RANBP2: variants seen among roughly 807,000 people sequenced by gnomAD.
RANBP2 encodes RAN binding protein 2, also known as E3 SUMO-protein ligase RanBP2.
A neutral mutation model predicts 303.6 loss-of-function variants in RANBP2; 57 were observed. The ratio of observed to expected loss-of-function variants is 0.19; its 90% CI spans 0.15 to 0.23. The LOEUF (loss-of-function observed/expected upper bound fraction) is 0.23, where lower values mean the gene tolerates loss of function less well. RANBP2 is among the 10% of genes least tolerant of loss of function. The pLI is 1.00. For synonymous variants in RANBP2, 1,167 were observed against 1,301.5 expected, an observed-to-expected ratio of 0.90 and a Z score of 2.23; for missense variants, 3,138 against 3,780.8, an observed-to-expected ratio of 0.83 and a Z score of 4.46.
At chr2:109,011,584 G>C in the RANBP2 span, among the ~76,000 whole-genome samples, 1 of 152,082 alleles carries the variant, frequency 6.6e-6, no homozygotes, top group South Asian at 2.1e-4. Flanking sequence ...TTTTATTGAC[G>C]AGATACCCAC....
chr2:109,619,623 C>T, the RANBP2 span, among the ~76,000 whole-genome samples: 2 of 152,040 alleles, frequency 1.3e-5, no homozygotes, highest in African/African-American at 2.4e-5. Context: ...TTTATGATAA[C>T]CCATAAAATA....
At chr2:108,873,587 C>G in the RANBP2 span, 2 of 1,574,438 alleles carry the variant, frequency 1.3e-6, no homozygotes, top group East Asian at 4.5e-5. Flanking sequence ...TTTCCAAAAT[C>G]AAGTAAGAAT....
chr2:108,856,048 G>C, the RANBP2 span, among the ~76,000 whole-genome samples: 2 of 152,172 alleles, frequency 1.3e-5, no homozygotes, highest in Non-Finnish European at 2.9e-5. Context: ...GTAGGGACTT[G>C]GGTTGTGTAG....
the RANBP2 span, among the ~76,000 whole-genome samples, chr2:109,758,407 CAAAAA>C: frequency 8.8e-6 from 1 of 113,506 alleles, no homozygotes. Context: ...GATTCCATCT[CAAAAA>C]AAAAAAAAAA....
the RANBP2 span, chr2:109,251,453 A>G: frequency 1.4e-6 from 1 of 726,084 alleles, no homozygotes. Flanking sequence ...GAGTTGAAAA[A>G]ATCTATGGAC....
chr2:109,552,620 C>G, the RANBP2 span: 1 of 159,246 alleles, frequency 6.3e-6, no homozygotes, highest in African/African-American at 2.4e-5. Context: ...AGGCCCACCA[C>G]CTTCAGGAGT....
At chr2:109,273,820 T>C in the RANBP2 span, among the ~76,000 whole-genome samples, 47,934 of 151,830 alleles carry the variant, frequency 0.32, 7,962 homozygotes, top group East Asian at 0.46. Flanking sequence ...GAGACCAGGC[T>C]CAGCATACAT....
At chr2:109,691,627 C>T in the RANBP2 span, among the ~76,000 whole-genome samples, 4 of 152,100 alleles carry the variant, frequency 2.6e-5, no homozygotes, top group South Asian at 4.1e-4. Context: ...AGCTCTGGTT[C>T]CTTCTGCCCC....
the RANBP2 span, among the ~76,000 whole-genome samples, chr2:109,459,562 C>T: frequency 5.1e-4 from 78 of 152,222 alleles, no homozygotes; most frequent in African/African-American, 1.8e-3. Context: ...CTCCTGTATC[C>T]CAGACATGCT....
At chr2:109,150,137 A>C in the RANBP2 span, among the ~76,000 whole-genome samples, 1 of 152,168 alleles carries the variant, frequency 6.6e-6, no homozygotes, top group African/African-American at 2.4e-5. Context: ...GGTGGTGTAG[A>C]GGAAGTGGTT....
chr2:109,414,688 A>G, the RANBP2 span, among the ~76,000 whole-genome samples: 2 of 152,120 alleles, frequency 1.3e-5, no homozygotes, highest in Non-Finnish European at 2.9e-5. Context: ...CAGCACCCTC[A>G]TCATCCACAC....
At chr2:109,578,111 C>G in the RANBP2 span, among the ~76,000 whole-genome samples, 580 of 151,184 alleles carry the variant, frequency 3.8e-3, 5 homozygotes, top group African/African-American at 0.013. Flanking sequence ...AGAAATCAGG[C>G]AAGAAAGGAA....
chr2:109,658,321 CCTGT>C, the RANBP2 span, among the ~76,000 whole-genome samples: 27,729 of 151,404 alleles, frequency 0.18, 3,140 homozygotes, highest in Middle Eastern at 0.27. Context: ...GTGGCAGGCA[CCTGT>C]AATCCCAGCT....
the RANBP2 span, among the ~76,000 whole-genome samples, chr2:109,236,078 C>CTAT: frequency 6.6e-6 from 1 of 152,188 alleles, no homozygotes; most frequent in Non-Finnish European, 1.5e-5. Flanking sequence ...TCGCCTTGAC[C>CTAT]TATTATAATA....
chr2:109,412,204 C>T, the RANBP2 span, among the ~76,000 whole-genome samples: 4 of 152,286 alleles, frequency 2.6e-5, no homozygotes, highest in East Asian at 7.7e-4. Flanking sequence ...TCAGCCTAGC[C>T]TTCAGCCTCT....
chr2:109,236,830 G>A, the RANBP2 span, among the ~76,000 whole-genome samples: 4 of 152,196 alleles, frequency 2.6e-5, no homozygotes, highest in South Asian at 8.3e-4. Flanking sequence ...TCTCCTCAGA[G>A]ATCAAAATTG....
At chr2:109,329,712 G>T in the RANBP2 span, among the ~76,000 whole-genome samples, 64 of 151,932 alleles carry the variant, frequency 4.2e-4, no homozygotes, top group South Asian at 8.3e-4. Flanking sequence ...AAGTAAGAAA[G>T]CAGGAGGAAG....
At chr2:109,516,130 A>C in the RANBP2 span, among the ~76,000 whole-genome samples, 1 of 152,280 alleles carries the variant, frequency 6.6e-6, no homozygotes, top group African/African-American at 2.4e-5. Flanking sequence ...GGAGCAGCCT[A>C]TGAGTCCTGG....
chr2:108,811,361 C>T, the RANBP2 span, among the ~76,000 whole-genome samples: 1 of 149,896 alleles, frequency 6.7e-6, no homozygotes, highest in East Asian at 2.0e-4. Context: ...GCTTCTGCTT[C>T]AGCCTCCTTA....
Sources: allele counts gnomAD v4.1 joint callset (sites outside exome capture counted in the v4.1 genomes callset), GRCh38; gene constraint gnomAD v4.1.1; transcripts MANE v1.5; gene names NCBI Gene and HGNC (gene_info 2026-07-23, HGNC 2026-07-21).